The following ELL variants were observed in gnomAD, a reference collection of about 807,000 sequenced individuals.
ELL encodes RNA polymerase II elongation factor ELL.
Under a neutral mutation model 64.0 loss-of-function variants are expected in ELL, and 18 were observed. The ratio of observed to expected loss-of-function variants is 0.28; its 90% confidence interval spans 0.19 to 0.42. The LOEUF is 0.42. ELL is among the 10% of genes least tolerant of loss of function. The probability of loss-of-function intolerance (pLI) is 1.00; values close to 1 mark genes in which losing one functional copy is unlikely to be tolerated. For synonymous variants in ELL, 399 were observed against 376.2 expected (o/e 1.06, Z -0.70); for missense variants, 797 against 870.4 (o/e 0.92, Z 1.06).
At chr19:18,503,662 G>A (rs1975826199) in intron 1 of ELL, among the ~76,000 whole-genome samples, 1 of 152,212 alleles carries the variant, frequency 6.6e-6, no homozygotes, top group Non-Finnish European at 1.5e-5. Context: ...TGTCTGAGCA[G>A]TGGTGGGAAG....
chr19:18,451,724 G>GC, intron 6 of ELL, 76 bp from the exon 7 acceptor site: 1 of 1,172,954 alleles, frequency 8.5e-7, no homozygotes, highest in Non-Finnish European at 1.1e-6. Context: ...CCACATGGGG[G>GC]CCCGGTGGAG....
At chr19:18,473,634 G>A (rs1975111166) in intron 1 of ELL, among the ~76,000 whole-genome samples, 1 of 152,214 alleles carries the variant, frequency 6.6e-6, no homozygotes, top group African/African-American at 2.4e-5. Flanking sequence ...GCTATTCAGA[G>A]ACCAGCCTTC....
intron 7 of ELL, 49 bp downstream of exon 7, chr19:18,451,503 A>G (rs2144895347): frequency 7.2e-7 from 1 of 1,382,652 alleles, no homozygotes; most frequent in Non-Finnish European, 9.5e-7. Flanking sequence ...TGCAGCACAG[A>G]GTGCCCTGCA....
At chr19:18,493,248 T>C (rs947016369) in intron 1 of ELL, among the ~76,000 whole-genome samples, 9 of 152,176 alleles carry the variant, frequency 5.9e-5, no homozygotes, top group African/African-American at 2.2e-4. Flanking sequence ...TCAGAAACCC[T>C]GGTGAAAAGA....
intron 6 of ELL, among the ~76,000 whole-genome samples, chr19:18,452,825 A>G (rs1600429694): frequency 6.6e-6 from 1 of 152,234 alleles, no homozygotes; most frequent in African/African-American, 2.4e-5. Context: ...AGGGCCCAGG[A>G]CTAGGGCACA....
Position 18,451,664 on chromosome 19 carries a change from A to C in ELL, c.870-16T>G. On this transcript the variant is annotated splice_polypyrimidine_tract_variant and intron_variant, in intron 6 of 11. Coordinates refer to ENST00000262809, the MANE Select transcript of ELL (RefSeq NM_006532.4). ...GCACAGCTTCCTGCGAAGGAGAGGC[A>C]GGGCTAGGTCAGAAGGTGCTGAGGG... The C allele has an allele frequency of 6.7e-7, 1 of 1,489,104 alleles. No individual in the cohort carries two copies. The highest frequency in any genetic ancestry group is 8.9e-7 in the Non-Finnish European group (1 of 1,127,450). 92.2% of individuals were successfully genotyped at this position (1,489,104 alleles called of 1,614,324 possible). A position where few individuals can be genotyped will look rare whatever the true frequency, so the allele number is the denominator to read the frequency against.
chr19:18,499,213 C>T (rs1222663018), intron 1 of ELL, among the ~76,000 whole-genome samples: 2 of 152,180 alleles, frequency 1.3e-5, no homozygotes, highest in Non-Finnish European at 2.9e-5. Flanking sequence ...GGGCCACCAG[C>T]AGCTGCTGGG....
chr19:18,467,236 C>G (rs1236840189), intron 2 of ELL, among the ~76,000 whole-genome samples: 1 of 152,108 alleles, frequency 6.6e-6, no homozygotes, highest in African/African-American at 2.4e-5. Context: ...CCAGTCTGCC[C>G]GGCCTGCAGA....
intron 1 of ELL, among the ~76,000 whole-genome samples, chr19:18,488,972 G>A (rs1028947687): frequency 3.3e-5 from 5 of 152,236 alleles, no homozygotes; most frequent in Admixed American, 1.3e-4. Flanking sequence ...CTGTGCAGGC[G>A]CGGGTCCCTG....
At chr19:18,488,825 G>A (rs1277312562) in intron 1 of ELL, among the ~76,000 whole-genome samples, 1 of 152,160 alleles carries the variant, frequency 6.6e-6, no homozygotes, top group East Asian at 1.9e-4. Context: ...CTGAAACACA[G>A]GACTCTCCCA....
chr19:18,521,748 T>C (rs757858099), intron 1 of ELL, among the ~76,000 whole-genome samples, 173 bp downstream of exon 1: 10 of 151,858 alleles, frequency 6.6e-5, no homozygotes, highest in Non-Finnish European at 1.5e-4. Context: ...AGGAACGCGG[T>C]TCTCAGCGCT....
intron 1 of ELL, among the ~76,000 whole-genome samples, chr19:18,503,643 G>C (rs920908004): frequency 2.0e-5 from 3 of 152,216 alleles, no homozygotes; most frequent in African/African-American, 7.2e-5. Flanking sequence ...CTCAGGGGCT[G>C]TGAGGAGATG....
intron 2 of ELL, among the ~76,000 whole-genome samples, chr19:18,466,466 T>C (rs1974937205): frequency 6.6e-6 from 1 of 152,172 alleles, no homozygotes; most frequent in Admixed American, 6.5e-5. Flanking sequence ...TAGGCTTGTG[T>C]CCCAGGGGCT....
At chr19:18,454,928 T>A (rs184056528) in intron 6 of ELL, among the ~76,000 whole-genome samples, 1 of 147,452 alleles carries the variant, frequency 6.8e-6, no homozygotes, top group East Asian at 2.0e-4. Flanking sequence ...GCCCTTGAGG[T>A]CAGGAGTTTG....
rs769691951 is a variant in ELL, at chr19:18,469,196, G to A, written c.184-3278C>T. ...ACACACAGAGGGCATGGCGGTTGGC[G>A]TCCTTCAGGATGCAGGGGTGAGAAG... On this transcript the variant is annotated intron_variant, in intron 2 of 11. Coordinates refer to ENST00000262809, the MANE Select transcript of ELL (RefSeq NM_006532.4). 4.6e-5 allele frequency among the ~76,000 whole-genome samples: 7 copies of A among 152,106 alleles called. No homozygotes were observed. The South Asian group carries it at 8.3e-4, about 18-fold the overall frequency.
chr19:18,458,135 C>A, intron 6 of ELL, 70 bp downstream of exon 6: 1 of 1,582,526 alleles, frequency 6.3e-7, no homozygotes, highest in Non-Finnish European at 8.5e-7. Flanking sequence ...ACCACCCCAG[C>A]ATCCTCTGGG....
intron 2 of ELL, among the ~76,000 whole-genome samples, chr19:18,472,151 G>A (rs979541126): frequency 6.6e-6 from 1 of 151,920 alleles, no homozygotes; most frequent in Admixed American, 6.6e-5. Flanking sequence ...TAGTAGAGAC[G>A]CGTTTCTCTA....
rs1423501418 is a variant in ELL at position 18,443,244 on chromosome 19, G to C, written c.*1508C>G. ...AAAACAACAACAGCTATTGAAACAT[G>C]AAGGATCAGTTTCCTCGGAGCTCTG... is the stretch of plus-strand genomic sequence containing the variant. On this transcript the variant is annotated 3_prime_UTR_variant, in exon 12 of 12. Transcript: ENST00000262809. The C allele has an allele frequency of 2.6e-5, 6 of 232,700 alleles. No individual in the cohort carries two copies. In the East Asian group the frequency reaches 3.6e-4, roughly 14 times the overall value. 14.4% of individuals were successfully genotyped at this position (232,700 alleles called of 1,614,324 possible).
chr19:18,509,629 A>G lies in ELL; in HGVS notation c.135+12292T>C, dbSNP rs1464525455. On this transcript the variant is annotated intron_variant, in intron 1 of 11. Transcript: ENST00000262809. ...CACACACACACACACACACACACAC[A>G]CACACACACACACACACACACACAC... Among the ~76,000 whole-genome samples, 508 of 147,062 alleles carry G rather than the reference A, an allele frequency of 3.5e-3. 16 individuals carry two copies. The highest frequency in any genetic ancestry group is 0.011 in the African/African-American group (427 of 39,042).
Sources: allele counts gnomAD v4.1 joint callset (sites outside exome capture counted in the v4.1 genomes callset), GRCh38; gene constraint gnomAD v4.1.1; transcripts MANE v1.5; gene names NCBI Gene and HGNC (gene_info 2026-07-23, HGNC 2026-07-21).